Variants in CDH10 observed in about 807,000 individuals in gnomAD.
The protein encoded by CDH10 is cadherin-10.
A neutral mutation model predicts 73.1 loss-of-function variants in CDH10; 30 were observed. The ratio of observed to expected loss-of-function variants is 0.41; its 90% CI spans 0.31 to 0.56. The LOEUF (loss-of-function observed/expected upper bound fraction) is 0.56. CDH10 is among the 20% of genes least tolerant of loss of function. The probability of loss-of-function intolerance (pLI) is 0.27; values close to 1 mark genes in which losing one functional copy is unlikely to be tolerated. For synonymous variants in CDH10, 345 were observed against 348.2 expected, an observed-to-expected ratio of 0.99 and a Z score of 0.10; for missense variants, 815 against 973.7, an observed-to-expected ratio of 0.84 and a Z score of 2.17.
chr5:24,582,876 G>A (rs550394414), intron 2 of CDH10, among the ~76,000 whole-genome samples: 2 of 152,210 alleles, frequency 1.3e-5, no homozygotes, highest in South Asian at 2.1e-4. Flanking sequence ...TACAGATGTG[G>A]AAAAATAGTT....
At chr5:24,613,402 C>T (rs890944475) in intron 1 of CDH10, among the ~76,000 whole-genome samples, 24 of 151,736 alleles carry the variant, frequency 1.6e-4, no homozygotes, top group African/African-American at 5.8e-4. Flanking sequence ...AGGAAGACTA[C>T]GTCGTCTTTA....
chr5:24,519,933 AAAGTCT>A (rs1355637407), intron 5 of CDH10, among the ~76,000 whole-genome samples: 1 of 152,160 alleles, frequency 6.6e-6, no homozygotes, highest in Non-Finnish European at 1.5e-5. Flanking sequence ...AATTTGCTAG[AAAGTCT>A]TGGTGCCCCC....
chr5:24,506,514 C>G (rs1295922792), intron 7 of CDH10, among the ~76,000 whole-genome samples: 1 of 152,086 alleles, frequency 6.6e-6, no homozygotes, highest in African/African-American at 2.4e-5. Flanking sequence ...CAGATTTTAC[C>G]ACCATCTTTC....
chr5:24,597,487 G>T (rs1746412298), intron 1 of CDH10, among the ~76,000 whole-genome samples: 1 of 152,048 alleles, frequency 6.6e-6, no homozygotes, highest in Admixed American at 6.6e-5. Context: ...GCAGTCAGAA[G>T]ATCAAAACAT....
Position 24,505,119 on chromosome 5 carries a change from A to T in CDH10, c.1386T>A (p.Ala462=), listed in dbSNP as rs766576483. 1 of 1,608,830 alleles carries T rather than the reference A, an allele frequency of 6.2e-7. No homozygotes were observed. The highest frequency in any genetic ancestry group is 1.1e-5 in the South Asian group (1 of 90,914). ...SQWHNLTVIA[A]EINNPKETTR... ...ACATAAAATTCATCTTACTGATTTC[A>T]GCAGCAATAACAGTAAGATTATGCC... Residue 462 remains alanine (A), a synonymous_variant, in exon 8 of 12, where the codon GCT becomes GCA. Coordinates refer to ENST00000264463, the MANE Select transcript of CDH10 (RefSeq NM_006727.5).
chr5:24,500,861 C>A (rs78885174), intron 8 of CDH10, among the ~76,000 whole-genome samples: 1 of 152,088 alleles, frequency 6.6e-6, no homozygotes, highest in Non-Finnish European at 1.5e-5. Flanking sequence ...CATTAATTAG[C>A]CTTTCTACCA....
intron 1 of CDH10, among the ~76,000 whole-genome samples, chr5:24,599,052 C>T (rs867359215): frequency 6.6e-6 from 1 of 152,124 alleles, no homozygotes; most frequent in Non-Finnish European, 1.5e-5. Flanking sequence ...GTTCTTGCTA[C>T]TCTCTGAGCA....
intron 8 of CDH10, among the ~76,000 whole-genome samples, chr5:24,504,455 A>T (rs1231988565): frequency 7.2e-6 from 1 of 139,110 alleles, no homozygotes; most frequent in African/African-American, 2.7e-5. Flanking sequence ...TTTCTTTGTG[A>T]GAGCTCCTGT....
rs1401452971 is a variant in CDH10, at chr5:24,487,987, A to G, written c.2043T>C (p.Ile681=). The G allele has an allele frequency of 6.8e-6, 11 of 1,613,776 alleles. No individual in the cohort carries two copies. Among genetic ancestry groups the G allele is most frequent in the Non-Finnish European group, 9.3e-6 (11 of 1,179,952 alleles). ...DIGTLRNPAA[I]EEKKLRRDII... ...TATCTCGCCGGAGCTTTTTTTCCTCAATGGCTGCAGGATTCCTCAGGGTGC... is the reference window on the plus strand; with the variant it reads ...TATCTCGCCGGAGCTTTTTTTCCTCGATGGCTGCAGGATTCCTCAGGGTGC... Residue 681 remains isoleucine (I), a synonymous_variant, in exon 12 of 12, where the codon ATT becomes ATC. Coordinates refer to ENST00000264463, the MANE Select transcript of CDH10 (RefSeq NM_006727.5).
At chr5:24,576,156 A>C (rs999991217) in intron 2 of CDH10, among the ~76,000 whole-genome samples, 1 of 152,018 alleles carries the variant, frequency 6.6e-6, no homozygotes, top group African/African-American at 2.4e-5. Flanking sequence ...CTATGTGATA[A>C]TCTCTCATCT....
intron 2 of CDH10, among the ~76,000 whole-genome samples, chr5:24,573,375 A>G (rs1745467311): frequency 6.6e-6 from 1 of 152,034 alleles, no homozygotes; most frequent in Non-Finnish European, 1.5e-5. Flanking sequence ...AGTTGTTTCC[A>G]AGAGTACCAG....
chr5:24,561,598 C>G (rs1344249257), intron 2 of CDH10, among the ~76,000 whole-genome samples: 1 of 152,110 alleles, frequency 6.6e-6, no homozygotes, highest in Non-Finnish European at 1.5e-5. Flanking sequence ...GTCATCCCTT[C>G]TCTCCCACAA....
chr5:24,573,434 G>A (rs1440931971), intron 2 of CDH10, among the ~76,000 whole-genome samples: 1 of 152,032 alleles, frequency 6.6e-6, no homozygotes, highest in Non-Finnish European at 1.5e-5. Flanking sequence ...GGGCGCGGTG[G>A]CTCACGTCTG....
intron 5 of CDH10, among the ~76,000 whole-genome samples, chr5:24,521,254 G>A (rs1181870762): frequency 6.6e-6 from 1 of 152,154 alleles, no homozygotes; most frequent in Non-Finnish European, 1.5e-5. Context: ...GTTTAAAGAA[G>A]TAAAAGTGGG....
At chr5:24,613,522 G>GAAAAA (rs34515702) in intron 1 of CDH10, among the ~76,000 whole-genome samples, 1 of 122,854 alleles carries the variant, frequency 8.1e-6, no homozygotes, top group Admixed American at 9.0e-5. Flanking sequence ...TCTTTGCTGG[G>GAAAAA]AAAAAAAAAA....
intron 1 of CDH10, chr5:24,611,992 A>G (rs1746965847): frequency 6.6e-6 from 1 of 152,116 alleles, no homozygotes; most frequent in Non-Finnish European, 1.5e-5. Context: ...TGAAACCTTA[A>G]TTGCAACCGG....
intron 1 of CDH10, among the ~76,000 whole-genome samples, chr5:24,624,982 A>G (rs1747445663): frequency 6.6e-6 from 1 of 152,192 alleles, no homozygotes; most frequent in African/African-American, 2.4e-5. Context: ...CTATTAAATC[A>G]TGAAGAAGGT....
chr5:24,508,633 C>A, intron 7 of CDH10, among the ~76,000 whole-genome samples: 1 of 147,936 alleles, frequency 6.8e-6, no homozygotes, highest in East Asian at 1.9e-4. Context: ...ATCCTCCTGT[C>A]TTAACCTCCT....
At chr5:24,553,707 C>T (rs1362215879) in intron 2 of CDH10, among the ~76,000 whole-genome samples, 1 of 152,098 alleles carries the variant, frequency 6.6e-6, no homozygotes, top group African/African-American at 2.4e-5. Flanking sequence ...CAGTAACTTG[C>T]CATTCCATAA....
Sources: gnomAD v4.1 joint callset for allele counts (sites outside exome capture counted in the v4.1 genomes callset) on GRCh38, gnomAD v4.1.1 for gene constraint, MANE v1.5 for transcripts, NCBI Gene and HGNC (gene_info 2026-07-23, HGNC 2026-07-21) for gene names.